The following PCDH1 variants were observed in gnomAD, a reference collection of about 807,000 sequenced individuals.
The protein encoded by PCDH1 is protocadherin 1, also known as protocadherin-1.
Under a neutral mutation model 74.6 loss-of-function variants are expected in PCDH1, and 23 were observed. That is an observed-to-expected ratio of 0.31 (90% confidence interval 0.22 to 0.44). The LOEUF is 0.44. PCDH1 is among the 20% of genes least tolerant of loss of function. The probability of loss-of-function intolerance (pLI) is 1.00; values close to 1 mark genes in which losing one functional copy is unlikely to be tolerated. For missense variants in PCDH1, 1,214 were observed against 1,641.4 expected (o/e 0.74, Z 4.50); for synonymous variants, 647 against 686.1 (o/e 0.94, Z 0.89).
chr5:141,876,419 C>T (rs1398709423), intron 1 of PCDH1, among the ~76,000 whole-genome samples: 1 of 152,160 alleles, frequency 6.6e-6, no homozygotes, highest in Non-Finnish European at 1.5e-5. Flanking sequence ...GGAGCCGGCG[C>T]CGGAATCACA....
chr5:141,868,410 G>A lies in PCDH1; in HGVS notation c.903+159C>T, dbSNP rs1752948562. Reference sequence around the variant, plus strand: ...GAAAGTAATATCACCTGCTGGGGTGGGGTGGGAAAGACTCCCCTGGCTGAG... The same window carrying A: ...GAAAGTAATATCACCTGCTGGGGTGAGGTGGGAAAGACTCCCCTGGCTGAG... On this transcript the variant is annotated intron_variant, in intron 2 of 4. Coordinates refer to ENST00000287008, the MANE Select transcript of PCDH1 (RefSeq NM_032420.5). This position sits in a 1 kb window ranked among gnomAD's most constrained non-coding sequence, Gnocchi z 4.8. The A allele has an allele frequency of 2.9e-6, 4 of 1,397,520 alleles. No individual in the cohort carries two copies. The highest frequency in any genetic ancestry group is 1.4e-5 in the African/African-American group (1 of 69,374). 86.6% of individuals were successfully genotyped at this position (1,397,520 alleles called of 1,614,324 possible). A position where few individuals can be genotyped will look rare whatever the true frequency, so the allele number is the denominator to read the frequency against.
chr5:141,877,625 G>A lies in PCDH1; in HGVS notation c.40+598C>T, dbSNP rs145854072. 2.2e-3 allele frequency among the ~76,000 whole-genome samples: 337 copies of A among 152,310 alleles called. 3 individuals carry two copies. Among genetic ancestry groups the A allele is most frequent in the African/African-American group, 7.7e-3 (318 of 41,564 alleles). ...GGGTTGTGTGTCGGTGCTGCTGATC[G>A]TGCAGACACTGAAGCGGATTCTGAG... is the stretch of plus-strand genomic sequence containing the variant. On this transcript the variant is annotated intron_variant, in intron 1 of 4. Coordinates refer to ENST00000287008, the MANE Select transcript of PCDH1 (RefSeq NM_032420.5).
In PCDH1 at chr5:141,854,282, G is replaced by A; in HGVS notation, c.3474C>T (p.Tyr1158=). ...CAGGCTCCTGCCCTCCTCGGTCCTGGTAAGGCACGAAGGTGGAGAGTTTGA... is the reference window on the plus strand; with the variant it reads ...CAGGCTCCTGCCCTCCTCGGTCCTGATAAGGCACGAAGGTGGAGAGTTTGA... ...SALKLSTFVP[Y]QDRGGQEPAG... is the part of the protein sequence containing the mutation. The change falls in exon 5 of 5, where the codon TAC becomes TAT. Residue 1158 remains tyrosine (Y), a synonymous_variant. Transcript: ENST00000287008. 1.9e-6 allele frequency: 3 copies of A among 1,613,812 alleles called. No homozygotes were observed. The highest frequency in any genetic ancestry group is 2.5e-6 in the Non-Finnish European group (3 of 1,179,892).
intron 2 of PCDH1, among the ~76,000 whole-genome samples, chr5:141,866,902 C>T (rs1210009367): frequency 1.3e-5 from 2 of 152,168 alleles, no homozygotes; most frequent in Non-Finnish European, 2.9e-5. Flanking sequence ...CCTAGTGAGC[C>T]CTCAAGCCAC....
In PCDH1 at chr5:141,874,792, C is replaced by T. The variant is rs540205250; in HGVS notation, c.40+3431G>A. Among the ~76,000 whole-genome samples, 11 of 152,298 alleles carry T rather than the reference C, an allele frequency of 7.2e-5. No homozygotes were observed. The South Asian group carries it at 8.3e-4, about 12-fold the overall frequency. On this transcript the variant is annotated intron_variant, in intron 1 of 4. Transcript: ENST00000287008. Reference sequence around the variant, plus strand: ...CCCTCACCCCAGCACTGTTACACAACGGTCACTGCCGCGGGCACAAAACAC... The same window carrying T: ...CCCTCACCCCAGCACTGTTACACAATGGTCACTGCCGCGGGCACAAAACAC...
At chr5:141,870,665 C>T (rs1040777453) in intron 1 of PCDH1, among the ~76,000 whole-genome samples, 1 of 152,158 alleles carries the variant, frequency 6.6e-6, no homozygotes, top group African/African-American at 2.4e-5. Flanking sequence ...AAGCTGTACC[C>T]CATCACAACA....
chr5:141,853,901 G>T lies in PCDH1; in HGVS notation c.*141C>A. The T allele has an allele frequency of 3.1e-6, 2 of 637,834 alleles. No homozygotes were observed. Among genetic ancestry groups the T allele is most frequent in the Non-Finnish European group, 5.0e-6 (2 of 398,532 alleles). The allele number at this position is 637,834 out of a possible 1,614,324, so 39.5% of individuals were successfully genotyped here. A position where few individuals can be genotyped will look rare whatever the true frequency, so the allele number is the denominator to read the frequency against. ...CCCTGCATGGGAGAAGGGCCAGCGTGGTCATGAGGTCAGTGATACCCCCAC... is the reference window on the plus strand; with the variant it reads ...CCCTGCATGGGAGAAGGGCCAGCGTTGTCATGAGGTCAGTGATACCCCCAC... On this transcript the variant is annotated 3_prime_UTR_variant, in exon 5 of 5. Coordinates refer to ENST00000287008, the MANE Select transcript of PCDH1 (RefSeq NM_032420.5).
Position 141,878,256 on chromosome 5 carries a change from T to A in PCDH1, c.7A>T (p.Ser3Cys), listed in dbSNP as rs949510255. The A allele has an allele frequency of 2.2e-6, 3 of 1,354,046 alleles. No individual in the cohort carries two copies. Among genetic ancestry groups the A allele is most frequent in the Non-Finnish European group, 2.8e-6 (3 of 1,055,526 alleles). The allele number at this position is 1,354,046 out of a possible 1,614,324, so 83.9% of individuals were successfully genotyped here. A position where few individuals can be genotyped will look rare whatever the true frequency, so the allele number is the denominator to read the frequency against. MD[S>C]GAGGRRCPEA... ...GGGCAGCGCCGGCCGCCCGCCCCGC[T>A]GTCCATGAGCCGCCGCCGGCCCCGG... Residue 3 changes from serine (S) to cysteine (C), a missense_variant, in exon 1 of 5, where the codon AGC becomes TGC. Ser to Cys is a moderately radical substitution (Grantham distance 112). Coordinates refer to ENST00000287008, the MANE Select transcript of PCDH1 (RefSeq NM_032420.5). The surrounding 1 kb of genome is among the most constrained non-coding windows in gnomAD (Gnocchi z 5.5).
intron 1 of PCDH1, among the ~76,000 whole-genome samples, chr5:141,872,020 A>G (rs1753106104): frequency 6.6e-6 from 1 of 152,174 alleles, no homozygotes; most frequent in Non-Finnish European, 1.5e-5. Context: ...GCCTTCCCCA[A>G]GCACAGGCCC....
chr5:141,856,869 C>A (rs146525683), intron 4 of PCDH1, among the ~76,000 whole-genome samples: 10 of 152,178 alleles, frequency 6.6e-5, no homozygotes, highest in Non-Finnish European at 1.5e-4. Flanking sequence ...CTCACCATTA[C>A]GTGAGCTTTC....
chr5:141,867,562 T>C (rs1280881278), intron 2 of PCDH1: 22 of 455,136 alleles, frequency 4.8e-5, no homozygotes, highest in Non-Finnish European at 7.5e-5. Context: ...TCCCCGACTG[T>C]CTGTCTCCCT....
chr5:141,853,807 G>C lies in PCDH1; in HGVS notation c.*235C>G. ...GAGGAGCCCTCTTGGGCATCAGATG[G>C]GGGAAGCCCCATAAAGGGGAAGGGG... On this transcript the variant is annotated 3_prime_UTR_variant, in exon 5 of 5. Coordinates refer to ENST00000287008, the MANE Select transcript of PCDH1 (RefSeq NM_032420.5). The C allele has an allele frequency of 2.5e-6, 1 of 405,058 alleles. No homozygotes were observed. Among genetic ancestry groups the C allele is most frequent in the African/African-American group, 2.0e-5 (1 of 49,384 alleles). 25.1% of individuals were successfully genotyped at this position (405,058 alleles called of 1,614,324 possible).
chr5:141,871,916 C>A (rs924982833), intron 1 of PCDH1, among the ~76,000 whole-genome samples: 2 of 152,206 alleles, frequency 1.3e-5, no homozygotes, highest in Admixed American at 1.3e-4. Flanking sequence ...AAATGTAAGT[C>A]TTCTCTGTTT....
chr5:141,868,352 C>T lies in PCDH1; in HGVS notation c.903+217G>A. ...GGGGTCACGGGAAACTGTTCATATG[C>T]TATTTCACTGTCACCTAAGTAGCCT... On this transcript the variant is annotated intron_variant, in intron 2 of 4. Coordinates refer to ENST00000287008, the MANE Select transcript of PCDH1 (RefSeq NM_032420.5). The surrounding 1 kb of genome is among the most constrained non-coding windows in gnomAD (Gnocchi z 4.8). The T allele has an allele frequency of 7.9e-7, 1 of 1,272,716 alleles. No homozygotes were observed. The highest frequency in any genetic ancestry group is 1.0e-6 in the Non-Finnish European group (1 of 994,952). The allele number at this position is 1,272,716 out of a possible 1,614,324, so 78.8% of individuals were successfully genotyped here.
chr5:141,854,133 A>T lies in PCDH1; in HGVS notation c.3623T>A (p.Leu1208Ter). 6.3e-7 allele frequency: 1 copy of T among 1,595,052 alleles called. No individual in the cohort carries two copies. Among genetic ancestry groups the T allele is most frequent in the South Asian group, 1.1e-5 (1 of 88,670 alleles). The stretch of plus-strand genomic sequence containing the variant: ...GGTCTGGGTCAGGGGGATTTCCTCC[A>T]AGGTGGCCGAGTCCTTGCAGGAATC... The part of the protein sequence containing the change: ...SHDSCKDSAT[L>*]EEIPLTQTSD... Residue 1208 changes from leucine (L) to a stop codon, truncating the protein, a stop_gained, in exon 5 of 5, where the codon TTG becomes TAG. Transcript: ENST00000287008. LOFTEE classifies it high-confidence loss of function.
At chr5:141,854,575 C>A (rs1752254801) in intron 4 of PCDH1, 139 bp from the exon 5 acceptor site, 4 of 817,070 alleles carry the variant, frequency 4.9e-6, no homozygotes. Context: ...CTCACAGGCA[C>A]ACACACCCTC....
At chr5:141,855,620 CCA>C (rs1752305737) in intron 4 of PCDH1, among the ~76,000 whole-genome samples, 1 of 151,982 alleles carries the variant, frequency 6.6e-6, no homozygotes, top group South Asian at 2.1e-4. Flanking sequence ...GGTCCTGAAC[CCA>C]CCCTCCTCCT....
In PCDH1 at chr5:141,878,137, G is replaced by T; in HGVS notation, c.40+86C>A. The stretch of plus-strand genomic sequence containing the variant: ...TGTTGGGCCCCCGCGGCCTCGCTCC[G>T]CCGAGCGCCCCTCCCTCAGCTCCCG... On this transcript the variant is annotated intron_variant, in intron 1 of 4. Coordinates refer to ENST00000287008, the MANE Select transcript of PCDH1 (RefSeq NM_032420.5). The surrounding 1 kb of genome is among the most constrained non-coding windows in gnomAD (Gnocchi z 5.5). 7.8e-7 allele frequency: 1 copy of T among 1,274,724 alleles called. No individual in the cohort carries two copies. The highest frequency in any genetic ancestry group is 1.0e-6 in the Non-Finnish European group (1 of 977,752). The allele number at this position is 1,274,724 out of a possible 1,614,324, so 79.0% of individuals were successfully genotyped here.
At chr5:141,874,127 G>A (rs1443039499) in intron 1 of PCDH1, among the ~76,000 whole-genome samples, 2 of 152,142 alleles carry the variant, frequency 1.3e-5, no homozygotes, top group African/African-American at 2.4e-5. Context: ...ACCTTGCCCC[G>A]TAAGGAGGGA....
Sources: allele counts gnomAD v4.1 joint callset (sites outside exome capture counted in the v4.1 genomes callset), GRCh38; gene constraint gnomAD v4.1.1; non-coding constraint Gnocchi (gnomAD v3.1); transcripts MANE v1.5; gene names NCBI Gene and HGNC (gene_info 2026-07-23, HGNC 2026-07-21).